PAN3: variants seen among roughly 807,000 people sequenced by gnomAD.
The protein encoded by PAN3 is poly(A) specific ribonuclease subunit PAN3, also known as PAN2-PAN3 deadenylation complex subunit PAN3.
A neutral mutation model predicts 96.2 loss-of-function variants in PAN3; 19 were observed. The observed-to-expected ratio is 0.20, with a 90% confidence interval of 0.14 to 0.29. PAN3 has a LOEUF of 0.29. Ranked by LOEUF, PAN3 falls within the 10% of genes least tolerant of loss-of-function variation. The pLI is 1.00. For synonymous variants in PAN3, 433 were observed against 406.6 expected (o/e 1.06, Z -0.78); for missense variants, 882 against 1,108.1 (o/e 0.80, Z 2.90).
chr13:28,193,736 TAA>T (rs35597675), intron 4 of PAN3, among the ~76,000 whole-genome samples: 3 of 108,142 alleles, frequency 2.8e-5, no homozygotes, highest in Non-Finnish European at 3.5e-5. Context: ...GACCCTGACT[TAA>T]AAAAAAAAAA....
chr13:28,224,309 C>T (rs576961566), intron 6 of PAN3, among the ~76,000 whole-genome samples: 3 of 152,166 alleles, frequency 2.0e-5, no homozygotes, highest in African/African-American at 4.8e-5. Flanking sequence ...AACAAATTTA[C>T]AGTGTCACAG....
chr13:28,238,417 C>A (rs9551450), intron 6 of PAN3, among the ~76,000 whole-genome samples: 25,505 of 152,040 alleles, frequency 0.17, 2,976 homozygotes, highest in African/African-American at 0.32. Flanking sequence ...ACAAAAAAGA[C>A]ACTTAACCAA....
At chr13:28,273,376 C>T (rs562935054) in intron 14 of PAN3, among the ~76,000 whole-genome samples, 4 of 151,934 alleles carry the variant, frequency 2.6e-5, no homozygotes, top group East Asian at 1.9e-4. Flanking sequence ...CTGAGGTGGG[C>T]AGATCACTTG....
chr13:28,206,302 A>T (rs1566186175), intron 5 of PAN3, among the ~76,000 whole-genome samples: 2 of 142,572 alleles, frequency 1.4e-5, no homozygotes, highest in Non-Finnish European at 3.0e-5. Context: ...TTTTGATAAG[A>T]TCGTCTAACT....
chr13:28,179,232 GTAA>G (rs1875447486), intron 4 of PAN3, among the ~76,000 whole-genome samples: 1 of 152,178 alleles, frequency 6.6e-6, no homozygotes, highest in South Asian at 2.1e-4. Context: ...TGTTAGCAGT[GTAA>G]TAATAGAGTT....
intron 1 of PAN3, among the ~76,000 whole-genome samples, chr13:28,162,796 T>G (rs1390262532): frequency 6.6e-6 from 1 of 150,666 alleles, no homozygotes; most frequent in Non-Finnish European, 1.5e-5. Flanking sequence ...GTGAGCTGAT[T>G]ATGCCACTGC....
At chr13:28,278,615 A>G (rs1887234383) in intron 15 of PAN3, among the ~76,000 whole-genome samples, 1 of 152,212 alleles carries the variant, frequency 6.6e-6, no homozygotes, top group African/African-American at 2.4e-5. Context: ...AATAATAAAC[A>G]CAAACTAAAG....
At chr13:28,199,957 A>G (rs1319028593) in intron 5 of PAN3, among the ~76,000 whole-genome samples, 1 of 152,176 alleles carries the variant, frequency 6.6e-6, no homozygotes, top group Non-Finnish European at 1.5e-5. Context: ...TGTGCCAGGC[A>G]CTGTGCTAAG....
intron 5 of PAN3, chr13:28,215,252 GCA>G (rs1235388993): frequency 4.2e-6 from 3 of 710,650 alleles, no homozygotes; most frequent in Non-Finnish European, 7.9e-6. Flanking sequence ...ACAAGTCCTT[GCA>G]CCAGCCTCTC....
intron 6 of PAN3, among the ~76,000 whole-genome samples, chr13:28,254,065 T>A (rs1204363001): frequency 1.3e-5 from 2 of 152,306 alleles, no homozygotes; most frequent in East Asian, 1.9e-4. Flanking sequence ...ATGCTACACA[T>A]AGCCCCATCC....
intron 17 of PAN3, 84 bp downstream of exon 17, chr13:28,281,463 TG>T (rs1887461552): frequency 8.0e-7 from 1 of 1,257,584 alleles, no homozygotes; most frequent in Non-Finnish European, 1.1e-6. Context: ...TGGCTTTATT[TG>T]GAAAAAGAGA....
intron 1 of PAN3, among the ~76,000 whole-genome samples, chr13:28,155,301 C>T (rs989480573): frequency 6.6e-6 from 1 of 151,938 alleles, no homozygotes; most frequent in South Asian, 2.1e-4. Flanking sequence ...TTGGGGAATA[C>T]AAAGACATAT....
intron 18 of PAN3, among the ~76,000 whole-genome samples, chr13:28,289,883 A>G (rs1869522377): frequency 6.6e-6 from 1 of 151,538 alleles, no homozygotes; most frequent in Non-Finnish European, 1.5e-5. Flanking sequence ...CTCCGTCTCA[A>G]AAAAAAAAGA....
intron 6 of PAN3, among the ~76,000 whole-genome samples, chr13:28,237,231 T>C (rs1178248464): frequency 2.0e-5 from 3 of 152,058 alleles, no homozygotes; most frequent in African/African-American, 7.2e-5. Flanking sequence ...CTGATGCTCC[T>C]CTTTTAAAAT....
rs1175627637 is a variant in PAN3, at chr13:28,154,198, T to C, written c.430+15111T>C. Among the ~76,000 whole-genome samples the C allele has an allele frequency of 2.6e-5, 4 of 152,240 alleles. No homozygotes were observed. In the East Asian group the frequency reaches 7.7e-4, roughly 29 times the overall value. Reference sequence around the variant, plus strand: ...TATTGCAGCACTCCCCAGAATCAGCTGTTTTTACCAGAGTCTTACTGCACT... The same window carrying C: ...TATTGCAGCACTCCCCAGAATCAGCCGTTTTTACCAGAGTCTTACTGCACT... On this transcript the variant is annotated intron_variant, in intron 1 of 18. Coordinates refer to ENST00000380958, the MANE Select transcript of PAN3 (RefSeq NM_175854.8).
chr13:28,176,001 A>G (rs769041764), intron 2 of PAN3, among the ~76,000 whole-genome samples: 1 of 152,210 alleles, frequency 6.6e-6, no homozygotes, highest in Non-Finnish European at 1.5e-5. Flanking sequence ...GCCTTACAGG[A>G]TGGAGAGACC....
At chr13:28,173,824 TTTTTTCCC>T (rs1874610761) in intron 1 of PAN3, among the ~76,000 whole-genome samples, 1 of 152,186 alleles carries the variant, frequency 6.6e-6, no homozygotes, top group Non-Finnish European at 1.5e-5. Context: ...CTCTGCAGAT[TTTTTTCCC>T]CCTGAATTTT....
At chr13:28,258,826 T>A (rs981370760) in intron 7 of PAN3, among the ~76,000 whole-genome samples, 2 of 152,236 alleles carry the variant, frequency 1.3e-5, no homozygotes, top group African/African-American at 4.8e-5. Flanking sequence ...AGTATTTGCA[T>A]AGATCTTATA....
At chr13:28,158,668 G>T (rs928838568) in intron 1 of PAN3, among the ~76,000 whole-genome samples, 2 of 152,152 alleles carry the variant, frequency 1.3e-5, no homozygotes, top group Non-Finnish European at 2.9e-5. Flanking sequence ...CACGAGGTCA[G>T]GAGATCAAGA....
Sources: gnomAD v4.1 joint callset for allele counts (sites outside exome capture counted in the v4.1 genomes callset) on GRCh38, gnomAD v4.1.1 for gene constraint, MANE v1.5 for transcripts, NCBI Gene and HGNC (gene_info 2026-07-23, HGNC 2026-07-21) for gene names.